CYP4F22: variants seen among roughly 807,000 people sequenced by gnomAD.
CYP4F22 encodes cytochrome P450 family 4 subfamily F member 22, also known as ultra-long-chain fatty acid omega-hydroxylase.
Under a neutral mutation model 60.4 loss-of-function variants are expected in CYP4F22, and 37 were observed. The ratio of observed to expected loss-of-function variants is 0.61; its 90% CI spans 0.47 to 0.81. The LOEUF (loss-of-function observed/expected upper bound fraction) is 0.81. Ranked by LOEUF, CYP4F22 falls within the 30% of genes least tolerant of loss-of-function variation. CYP4F22 has a pLI of 0.00. For synonymous variants in CYP4F22, 258 were observed against 280.5 expected (o/e 0.92, Z 0.80); for missense variants, 655 against 715.0 (o/e 0.92, Z 0.96).
At chr19:15,525,069 C>G (rs147144934) in intron 2 of CYP4F22, among the ~76,000 whole-genome samples, 2 of 152,114 alleles carry the variant, frequency 1.3e-5, no homozygotes, top group African/African-American at 4.8e-5. Context: ...CCAGCCTGAC[C>G]GGCTATGCCT....
At chr19:15,524,337 T>C (rs1283498404) in intron 2 of CYP4F22, among the ~76,000 whole-genome samples, 1 of 152,180 alleles carries the variant, frequency 6.6e-6, no homozygotes, top group Non-Finnish European at 1.5e-5. Context: ...GATGGGGTTT[T>C]GTTTTGGCAT....
intron 13 of CYP4F22, 107 bp from the exon 14 acceptor site, chr19:15,551,187 C>A (rs1971590903): frequency 6.9e-7 from 1 of 1,457,156 alleles, no homozygotes. Context: ...CACTTTAACC[C>A]TCAGCCAGCC....
intron 4 of CYP4F22, among the ~76,000 whole-genome samples, chr19:15,533,652 C>T (rs535821691): frequency 2.3e-5 from 3 of 131,638 alleles, no homozygotes; most frequent in South Asian, 4.7e-4. Context: ...GGCTGGAGTG[C>T]AGTGGTGTAG....
intron 7 of CYP4F22, among the ~76,000 whole-genome samples, chr19:15,539,575 G>A (rs182635077): frequency 3.9e-5 from 6 of 152,266 alleles, no homozygotes; most frequent in East Asian, 1.9e-4. Context: ...TGGGTCATAC[G>A]GTAATTCCAT....
chr19:15,550,892 A>G, intron 13 of CYP4F22, 136 bp downstream of exon 13: 1 of 1,046,692 alleles, frequency 9.6e-7, no homozygotes, highest in African/African-American at 1.6e-5. Context: ...CCCTCTCCCC[A>G]ATGCGCCAGG....
intron 3 of CYP4F22, among the ~76,000 whole-genome samples, chr19:15,526,702 C>T (rs1971286597): frequency 6.6e-6 from 1 of 150,748 alleles, no homozygotes; most frequent in Non-Finnish European, 1.5e-5. Context: ...TCTGATGCCT[C>T]TAGTTTCTGT....
intron 1 of CYP4F22, among the ~76,000 whole-genome samples, chr19:15,518,597 C>G (rs1232033452): frequency 1.5e-5 from 2 of 133,058 alleles, no homozygotes; most frequent in Admixed American, 8.7e-5. Flanking sequence ...TGCAGTGAGC[C>G]GAGATCGCGC....
intron 1 of CYP4F22, among the ~76,000 whole-genome samples, chr19:15,522,859 C>T (rs966156190): frequency 5.9e-5 from 9 of 151,926 alleles, no homozygotes; most frequent in Admixed American, 2.6e-4. Context: ...TATAGGCGCA[C>T]GCCACCACGC....
chr19:15,517,215 C>A (rs1252398576), intron 1 of CYP4F22, among the ~76,000 whole-genome samples: 2 of 152,070 alleles, frequency 1.3e-5, no homozygotes, highest in Non-Finnish European at 2.9e-5. Flanking sequence ...ACAGGAGGAC[C>A]CCAGCTGTGG....
chr19:15,515,344 C>T (rs2144498081), intron 1 of CYP4F22: 1 of 1,197,658 alleles, frequency 8.3e-7, no homozygotes, highest in Non-Finnish European at 1.2e-6. Flanking sequence ...AAAGGTTCAG[C>T]ACCTCCCACA....
chr19:15,515,751 T>C (rs1971146587), intron 1 of CYP4F22, among the ~76,000 whole-genome samples: 1 of 151,040 alleles, frequency 6.6e-6, no homozygotes, highest in African/African-American at 2.4e-5. Flanking sequence ...TGAGATGGAG[T>C]CTCGCCCTGT....
intron 1 of CYP4F22, chr19:15,516,211 C>T (rs1351838251): frequency 1.3e-5 from 2 of 152,298 alleles, no homozygotes; most frequent in Admixed American, 6.6e-5. Context: ...CATTCTACGT[C>T]CTTGTACTTT....
At chr19:15,530,736 G>A (rs532074304) in intron 4 of CYP4F22, among the ~76,000 whole-genome samples, 4 of 152,228 alleles carry the variant, frequency 2.6e-5, no homozygotes, top group South Asian at 2.1e-4. Flanking sequence ...GTTAAATCTC[G>A]TGAGAACTCA....
chr19:15,515,862 T>G (rs1971148402), intron 1 of CYP4F22, among the ~76,000 whole-genome samples: 1 of 151,906 alleles, frequency 6.6e-6, no homozygotes, highest in Non-Finnish European at 1.5e-5. Flanking sequence ...TAGCTGGGAC[T>G]ACAGGCGCCC....
chr19:15,517,740 C>G (rs2144501666), intron 1 of CYP4F22, among the ~76,000 whole-genome samples: 2 of 152,274 alleles, frequency 1.3e-5, no homozygotes, highest in Middle Eastern at 6.8e-3. Flanking sequence ...TCACACATAA[C>G]AGGCACTCAA....
Position 15,551,883 on chromosome 19 carries a change from A to AC in CYP4F22, c.*414dup, listed in dbSNP as rs1287185612. On this transcript the variant is annotated 3_prime_UTR_variant, in exon 14 of 14. Coordinates refer to ENST00000269703, the MANE Select transcript of CYP4F22 (RefSeq NM_173483.4). The stretch of plus-strand genomic sequence containing the variant: ...AAGACCCACCTATGACTCAGGGCCC[A>AC]CCACACCCCACCCCCCCCCAACTGG... 5.5e-6 allele frequency: 1 copy of AC among 182,268 alleles called. No homozygotes were observed. Among genetic ancestry groups the AC allele is most frequent in the African/African-American group, 2.6e-5 (1 of 39,148 alleles). 11.3% of individuals were successfully genotyped at this position (182,268 alleles called of 1,614,324 possible).
intron 3 of CYP4F22, among the ~76,000 whole-genome samples, chr19:15,528,067 C>T (rs1421811998): frequency 6.6e-6 from 1 of 152,136 alleles, no homozygotes; most frequent in East Asian, 1.9e-4. Flanking sequence ...GCCCATATTC[C>T]TCTCAACCCA....
chr19:15,521,025 C>A (rs1271565369), intron 1 of CYP4F22, among the ~76,000 whole-genome samples: 2 of 151,932 alleles, frequency 1.3e-5, no homozygotes, highest in Admixed American at 6.6e-5. Flanking sequence ...CCTTGGCCTC[C>A]CAAAGTGCTG....
At chr19:15,534,171 G>A (rs1434074470) in intron 4 of CYP4F22, among the ~76,000 whole-genome samples, 4 of 152,270 alleles carry the variant, frequency 2.6e-5, no homozygotes, top group Admixed American at 2.0e-4. Context: ...ATTTACCTAC[G>A]CACGTATTTA....
Sources: allele counts gnomAD v4.1 joint callset (sites outside exome capture counted in the v4.1 genomes callset), GRCh38; gene constraint gnomAD v4.1.1; transcripts MANE v1.5; gene names NCBI Gene and HGNC (gene_info 2026-07-23, HGNC 2026-07-21).